MCTP1: variants seen among roughly 807,000 people sequenced by gnomAD.
MCTP1 encodes the protein multiple C2 and transmembrane domain containing 1, also known as multiple C2 and transmembrane domain-containing protein 1.
Under a neutral mutation model 120.6 loss-of-function variants are expected in MCTP1, and 69 were observed. The ratio of observed to expected loss-of-function variants is 0.57; its 90% CI spans 0.47 to 0.70. The LOEUF is 0.70. Ranked by LOEUF, MCTP1 falls within the 30% of genes least tolerant of loss-of-function variation. The pLI is 0.00. For synonymous variants in MCTP1, 529 were observed against 493.1 expected (o/e 1.07, Z -0.96); for missense variants, 1,203 against 1,248.8 (o/e 0.96, Z 0.55).
At chr5:95,065,872 A>C (rs1302319474) in intron 1 of MCTP1, among the ~76,000 whole-genome samples, 1 of 152,222 alleles carries the variant, frequency 6.6e-6, no homozygotes, top group African/African-American at 2.4e-5. Flanking sequence ...AAAATGGATT[A>C]AAGTCTTAAA....
intron 17 of MCTP1, among the ~76,000 whole-genome samples, chr5:94,863,152 T>C (rs1354513756): frequency 6.6e-6 from 1 of 151,756 alleles, no homozygotes; most frequent in African/African-American, 2.4e-5. Flanking sequence ...GCAAAAAGGC[T>C]TAGGAGTTTA....
At position 94,953,368 on chromosome 5, in the gene MCTP1, AATAG is replaced by A. The variant is rs1321966725; in HGVS notation, c.839-11_839-8del. Reference sequence around the variant, plus strand: ...ACATATGGATCACTCGTCCCTGTTAAATAGATAGATTGATCCATGTTAATCATGA... The same window carrying A: ...ACATATGGATCACTCGTCCCTGTTAAATAGATTGATCCATGTTAATCATGA... On this transcript the variant is annotated splice_region_variant and splice_polypyrimidine_tract_variant and intron_variant, in intron 2 of 22. Coordinates refer to ENST00000515393, the MANE Select transcript of MCTP1 (RefSeq NM_024717.7). 2.5e-6 allele frequency: 4 copies of A among 1,590,842 alleles called. No individual in the cohort carries two copies. Among genetic ancestry groups the A allele is most frequent in the South Asian group, 1.2e-5 (1 of 86,934 alleles).
chr5:94,758,441 A>G (rs1382820623), intron 19 of MCTP1, among the ~76,000 whole-genome samples: 2 of 152,158 alleles, frequency 1.3e-5, no homozygotes, highest in Admixed American at 1.3e-4. Context: ...GCGAGACCCC[A>G]TCTCTTAAAA....
At chr5:94,978,554 C>T (rs1828644173) in intron 2 of MCTP1, among the ~76,000 whole-genome samples, 1 of 152,006 alleles carries the variant, frequency 6.6e-6, no homozygotes. Flanking sequence ...CAATATGTGA[C>T]AACATGGATG....
intron 19 of MCTP1, among the ~76,000 whole-genome samples, chr5:94,758,831 T>G: frequency 6.6e-6 from 1 of 152,150 alleles, no homozygotes; most frequent in East Asian, 1.9e-4. Context: ...AATTATTATA[T>G]AGAAAAACAA....
intron 4 of MCTP1, among the ~76,000 whole-genome samples, chr5:94,941,902 G>C (rs1229699875): frequency 6.6e-6 from 1 of 152,004 alleles, no homozygotes; most frequent in Non-Finnish European, 1.5e-5. Context: ...GGCAAAATCA[G>C]ATTCTACCAT....
chr5:95,269,187 G>GTAT (rs367646773), intron 1 of MCTP1, among the ~76,000 whole-genome samples: 1 of 152,076 alleles, frequency 6.6e-6, no homozygotes, highest in Non-Finnish European at 1.5e-5. Context: ...TTCCATGCTG[G>GTAT]TATTATTATT....
At chr5:95,134,929 G>A (rs913079467) in intron 1 of MCTP1, among the ~76,000 whole-genome samples, 9 of 126,742 alleles carry the variant, frequency 7.1e-5, no homozygotes, top group Non-Finnish European at 1.1e-4. Flanking sequence ...AGCAATTGTG[G>A]TTTAATACAA....
chr5:94,971,214 C>T (rs968914828), intron 2 of MCTP1, among the ~76,000 whole-genome samples: 31 of 152,028 alleles, frequency 2.0e-4, no homozygotes, highest in African/African-American at 6.8e-4. Flanking sequence ...ATGTCTTTGA[C>T]AGAGAATAAG....
chr5:94,803,520 G>T (rs1167622255), intron 17 of MCTP1, among the ~76,000 whole-genome samples: 1 of 152,196 alleles, frequency 6.6e-6, no homozygotes, highest in Non-Finnish European at 1.5e-5. Context: ...AAGTGAAAAT[G>T]ATACTATTTA....
At chr5:94,751,998 A>T (rs1768473304) in intron 19 of MCTP1, among the ~76,000 whole-genome samples, 1 of 149,650 alleles carries the variant, frequency 6.7e-6, no homozygotes, top group Non-Finnish European at 1.5e-5. Context: ...TGGGAGATAT[A>T]CCTAATGCTA....
intron 1 of MCTP1, among the ~76,000 whole-genome samples, chr5:95,146,033 T>C (rs1282335462): frequency 6.6e-6 from 1 of 152,102 alleles, no homozygotes. Flanking sequence ...TTTTTTCTTT[T>C]TTTTTAATTA....
Position 95,061,091 on chromosome 5 carries a change from T to C in MCTP1, c.721-43607A>G, listed in dbSNP as rs574036098. On this transcript the variant is annotated intron_variant, in intron 1 of 22. Transcript: ENST00000515393. ...GTTGGTCCTTCTCAGCATCTGGCAA[T>C]GCCCTGTGGTTGTGATGGGGACATG... Among the ~76,000 whole-genome samples, 9 of 150,162 alleles carry C rather than the reference T, an allele frequency of 6.0e-5. No homozygotes were observed. The South Asian group carries it at 1.9e-3, about 32-fold the overall frequency.
chr5:95,151,288 AAT>A (rs781476909), intron 1 of MCTP1, among the ~76,000 whole-genome samples: 17 of 151,938 alleles, frequency 1.1e-4, no homozygotes, highest in Non-Finnish European at 1.5e-4. Context: ...CCGGCCAGAA[AAT>A]ATCATTAAGA....
chr5:95,091,901 G>A (rs1375171101), intron 1 of MCTP1, among the ~76,000 whole-genome samples: 1 of 152,230 alleles, frequency 6.6e-6, no homozygotes, highest in African/African-American at 2.4e-5. Flanking sequence ...GACTGAGACA[G>A]GCAGTAAGTG....
At chr5:95,263,423 C>T (rs1251305356) in intron 1 of MCTP1, among the ~76,000 whole-genome samples, 2 of 152,180 alleles carry the variant, frequency 1.3e-5, no homozygotes, top group East Asian at 1.9e-4. Context: ...CTCTTGTCAC[C>T]TCCCCCATAC....
At chr5:95,124,417 A>T (rs751811794) in intron 1 of MCTP1, among the ~76,000 whole-genome samples, 2 of 152,258 alleles carry the variant, frequency 1.3e-5, no homozygotes, top group Non-Finnish European at 1.5e-5. Context: ...CTCAAAAAGT[A>T]TATGGATTAA....
At position 94,878,968 on chromosome 5, in the gene MCTP1, G is replaced by A. The variant is rs981141595; in HGVS notation, c.1934-5727C>T. Among the ~76,000 whole-genome samples the A allele has an allele frequency of 3.3e-5, 5 of 151,976 alleles. No homozygotes were observed. In the East Asian group the frequency reaches 7.7e-4, roughly 23 times the overall value. On this transcript the variant is annotated intron_variant, in intron 12 of 22. Transcript: ENST00000515393. ...GTGAGGTCTGAGCAAAGAACTGAAG[G>A]GGGTAAAGGAGTAGCCAAGTAGAAA... is the stretch of plus-strand genomic sequence containing the variant.
At chr5:95,051,308 C>T (rs1454840292) in intron 1 of MCTP1, among the ~76,000 whole-genome samples, 2 of 152,184 alleles carry the variant, frequency 1.3e-5, no homozygotes, top group African/African-American at 4.8e-5. Flanking sequence ...CGAAGCTCTG[C>T]ACCTACTCAG....
Sources: allele counts gnomAD v4.1 joint callset (sites outside exome capture counted in the v4.1 genomes callset), GRCh38; gene constraint gnomAD v4.1.1; transcripts MANE v1.5; gene names NCBI Gene and HGNC (gene_info 2026-07-23, HGNC 2026-07-21).